POFUT3: variants seen among roughly 807,000 people sequenced by gnomAD.
The protein encoded by POFUT3 is protein O-fucosyltransferase 3, also known as GDP-fucose protein O-fucosyltransferase 3.
At chr8:33,437,981 C>T in the POFUT3 span, among the ~76,000 whole-genome samples, 1 of 152,158 alleles carries the variant, frequency 6.6e-6, no homozygotes, top group Non-Finnish European at 1.5e-5. Flanking sequence ...CAAATTTAGA[C>T]ACCTGTACTC....
At chr8:33,348,421 A>C in the POFUT3 span, among the ~76,000 whole-genome samples, 1 of 152,186 alleles carries the variant, frequency 6.6e-6, no homozygotes, top group Non-Finnish European at 1.5e-5. Context: ...AAAAAAAGTC[A>C]GAGTGTTAGG....
the POFUT3 span, chr8:33,389,931 A>G: frequency 1.5e-6 from 1 of 660,578 alleles, no homozygotes; most frequent in Non-Finnish European, 2.6e-6. Flanking sequence ...ACGGTGGCTC[A>G]CGCCTGTAAT....
the POFUT3 span, among the ~76,000 whole-genome samples, chr8:33,362,248 T>G: frequency 6.6e-6 from 1 of 152,022 alleles, no homozygotes; most frequent in African/African-American, 2.4e-5. Context: ...AGGCCTGCCT[T>G]ACAAGAGCGC....
chr8:33,313,997 C>T, the POFUT3 span, among the ~76,000 whole-genome samples: 4 of 152,234 alleles, frequency 2.6e-5, no homozygotes, highest in African/African-American at 4.8e-5. Flanking sequence ...ACACACAGCA[C>T]GTAATGACCT....
At chr8:33,457,696 C>T in the POFUT3 span, among the ~76,000 whole-genome samples, 1 of 151,976 alleles carries the variant, frequency 6.6e-6, no homozygotes, top group Admixed American at 6.6e-5. Context: ...AGGTGAAATG[C>T]TATTATGTCC....
At chr8:33,461,748 A>G in the POFUT3 span, 1 of 1,001,780 alleles carries the variant, frequency 1.0e-6, no homozygotes, top group South Asian at 1.6e-5. Context: ...ATCATCTTTT[A>G]GCCATAGCGC....
At chr8:33,415,065 C>G in the POFUT3 span, among the ~76,000 whole-genome samples, 1 of 151,812 alleles carries the variant, frequency 6.6e-6, no homozygotes. Flanking sequence ...AGTTCGAGAC[C>G]AGCCTGGCCA....
At chr8:33,329,869 T>C in the POFUT3 span, among the ~76,000 whole-genome samples, 11 of 152,306 alleles carry the variant, frequency 7.2e-5, no homozygotes, top group Admixed American at 6.5e-4. Context: ...ACCTAATGGA[T>C]AATAAAACAA....
the POFUT3 span, among the ~76,000 whole-genome samples, chr8:33,416,145 G>A: frequency 6.6e-6 from 1 of 152,150 alleles, no homozygotes; most frequent in Non-Finnish European, 1.5e-5. Flanking sequence ...AAATGTTTAA[G>A]TGTAACAGAA....
the POFUT3 span, among the ~76,000 whole-genome samples, chr8:33,327,553 A>G: frequency 6.6e-6 from 1 of 152,164 alleles, no homozygotes; most frequent in East Asian, 1.9e-4. Context: ...CCTGTTTCAG[A>G]AAACAAAACT....
chr8:33,443,713 G>A, the POFUT3 span, among the ~76,000 whole-genome samples: 264 of 152,154 alleles, frequency 1.7e-3, 1 homozygote, highest in African/African-American at 6.3e-3. Flanking sequence ...AGCTGGTCTC[G>A]AACTTCTGAC....
chr8:33,333,384 CAG>C, the POFUT3 span, among the ~76,000 whole-genome samples: 1 of 152,152 alleles, frequency 6.6e-6, no homozygotes, highest in Non-Finnish European at 1.5e-5. Context: ...GATGAAAAGA[CAG>C]ATATACTCCC....
the POFUT3 span, chr8:33,455,885 G>A: frequency 3.3e-5 from 14 of 424,958 alleles, no homozygotes; most frequent in Non-Finnish European, 6.4e-5. Flanking sequence ...ATTCTCAACG[G>A]TATCCAAGGC....
At chr8:33,448,760 C>G in the POFUT3 span, among the ~76,000 whole-genome samples, 1 of 151,964 alleles carries the variant, frequency 6.6e-6, no homozygotes, top group Admixed American at 6.6e-5. Flanking sequence ...ATGGTGAAAC[C>G]CTGTCTCTTC....
At chr8:33,332,488 GAAAAAA>G in the POFUT3 span, among the ~76,000 whole-genome samples, 2 of 61,260 alleles carry the variant, frequency 3.3e-5, no homozygotes, top group Non-Finnish European at 7.8e-5. Context: ...CTGTCTGAAA[GAAAAAA>G]AAAAAAAGAA....
At chr8:33,435,899 T>C in the POFUT3 span, among the ~76,000 whole-genome samples, 9 of 151,816 alleles carry the variant, frequency 5.9e-5, no homozygotes. Context: ...AAAAAAGTGA[T>C]CAACTCTATA....
the POFUT3 span, among the ~76,000 whole-genome samples, chr8:33,438,318 C>T: frequency 6.6e-6 from 1 of 152,238 alleles, no homozygotes; most frequent in African/African-American, 2.4e-5. Flanking sequence ...TGGCCCATGC[C>T]TGTAATCCCA....
chr8:33,449,935 C>CTTT, the POFUT3 span, among the ~76,000 whole-genome samples: 105 of 112,312 alleles, frequency 9.3e-4, no homozygotes, highest in African/African-American at 1.2e-3. Context: ...TGAAGCTTTT[C>CTTT]TTTTTTTTTT....
the POFUT3 span, chr8:33,461,500 T>C: frequency 6.2e-6 from 10 of 1,612,536 alleles, no homozygotes; most frequent in African/African-American, 6.7e-5. Context: ...GGTTACCAGG[T>C]GTTCTCTCGT....
Sources: gnomAD v4.1 joint callset for allele counts (sites outside exome capture counted in the v4.1 genomes callset) on GRCh38, gnomAD v4.1.1 for gene constraint, MANE v1.5 for transcripts, NCBI Gene and HGNC (gene_info 2026-07-23, HGNC 2026-07-21) for gene names.